ABHD6: variants seen among roughly 807,000 people sequenced by gnomAD.
ABHD6 encodes abhydrolase domain containing 6, acylglycerol lipase.
In ABHD6, 33 loss-of-function variants were observed where a neutral mutation model predicts 38.8. The ratio of observed to expected loss-of-function variants is 0.85; its 90% CI spans 0.64 to 1.14. The LOEUF (loss-of-function observed/expected upper bound fraction) is 1.14. Ranked by LOEUF, ABHD6 falls within the 50% of genes most tolerant of loss-of-function variation. ABHD6 has a pLI of 0.00. For missense variants in ABHD6, 380 were observed against 422.6 expected (o/e 0.90, Z 0.88); for synonymous variants, 147 against 161.6 (o/e 0.91, Z 0.69).
intron 1 of ABHD6, among the ~76,000 whole-genome samples, chr3:58,248,788 T>A (rs2097428134): frequency 6.6e-6 from 1 of 152,140 alleles, no homozygotes; most frequent in Non-Finnish European, 1.5e-5. Flanking sequence ...ATCTGTAGAG[T>A]TTGCTGATGA....
rs60071781 is a variant in ABHD6 at position 58,286,848 on chromosome 3, G to GTATATATATATATATATATATATATATA, written c.837+1396_837+1397insATATATATATATATATATATATATATAT. ...TGTGTGTGTGTGTGTGTGTGTGTGT[G>GTATATATATATATATATATATATATATA]TGTGTATATATATATATATATGTAT... On this transcript the variant is annotated intron_variant, in intron 9 of 9. Coordinates refer to ENST00000478253, the MANE Select transcript of ABHD6 (RefSeq NM_001320126.2). Among the ~76,000 whole-genome samples, 5 of 70,058 alleles carry GTATATATATATATATATATATATATATA rather than the reference G, an allele frequency of 7.1e-5. 1 individual carries two copies. The highest frequency in any genetic ancestry group is 6.3e-4 in the South Asian group (1 of 1,578). 46.0% of individuals were successfully genotyped at this position (70,058 alleles called of 152,430 possible).
chr3:58,274,148 T>C (rs1473776794), intron 6 of ABHD6, among the ~76,000 whole-genome samples: 1 of 152,192 alleles, frequency 6.6e-6, no homozygotes, highest in East Asian at 1.9e-4. Context: ...CCCTGTGTTT[T>C]ATCATTGACC....
intron 4 of ABHD6, among the ~76,000 whole-genome samples, chr3:58,268,972 G>C (rs1198325109): frequency 2.6e-5 from 4 of 152,172 alleles, no homozygotes; most frequent in Admixed American, 6.5e-5. Context: ...GTCAGCAGCT[G>C]CATGGCTGGA....
Position 58,287,674 on chromosome 3 carries a change from C to T in ABHD6, c.837+2221C>T, listed in dbSNP as rs1490653974. Among the ~76,000 whole-genome samples, 1 of 152,184 alleles carries T rather than the reference C, an allele frequency of 6.6e-6. No individual in the cohort carries two copies. Among genetic ancestry groups the T allele is most frequent in the East Asian group, 1.9e-4 (1 of 5,192 alleles). ...GAAGGCCTTCTGTTGTTCTAAAAAC[C>T]CCAAAGGTGATTTGGGGCTCTCAGG... On this transcript the variant is annotated intron_variant, in intron 9 of 9. Transcript: ENST00000478253. This position sits in a 1 kb window ranked among gnomAD's most constrained non-coding sequence, Gnocchi z 4.7.
At chr3:58,255,875 C>G (rs1006275353) in intron 2 of ABHD6, among the ~76,000 whole-genome samples, 3 of 151,186 alleles carry the variant, frequency 2.0e-5, no homozygotes, top group South Asian at 4.2e-4. Flanking sequence ...GAACTCCTGA[C>G]CTTAAGTGAT....
At chr3:58,255,864 C>T (rs1262822554) in intron 2 of ABHD6, among the ~76,000 whole-genome samples, 4 of 151,862 alleles carry the variant, frequency 2.6e-5, no homozygotes, top group African/African-American at 9.7e-5. Flanking sequence ...AGGCTAGTCT[C>T]GAACTCCTGA....
At position 58,267,068 on chromosome 3, in the gene ABHD6, G is replaced by A; in HGVS notation, c.120-121G>A. ...ACTCTAGAGACTGATGGAGGACAAG[G>A]GCTGGAGAAGTGTTTGTGTTATCAC... On this transcript the variant is annotated intron_variant, in intron 3 of 9. Transcript: ENST00000478253. This position sits in a 1 kb window ranked among gnomAD's most constrained non-coding sequence, Gnocchi z 4.3. 2.7e-6 allele frequency: 3 copies of A among 1,095,328 alleles called. No homozygotes were observed. The South Asian group carries it at 4.6e-5, about 17-fold the overall frequency. The allele number at this position is 1,095,328 out of a possible 1,614,324, so 67.9% of individuals were successfully genotyped here.
At chr3:58,289,968 C>T (rs200538145) in intron 9 of ABHD6, among the ~76,000 whole-genome samples, 26,971 of 134,622 alleles carry the variant, frequency 0.2, 2,844 homozygotes, top group East Asian at 0.67. Flanking sequence ...ACCTCCCGGA[C>T]GAGGCGGCTG....
intron 1 of ABHD6, among the ~76,000 whole-genome samples, chr3:58,244,203 A>G (rs1158774308): frequency 6.6e-6 from 1 of 152,216 alleles, no homozygotes; most frequent in African/African-American, 2.4e-5. Context: ...AAAGCCAGTG[A>G]TGTTAAGGAA....
intron 1 of ABHD6, among the ~76,000 whole-genome samples, chr3:58,239,024 G>T (rs1199101484): frequency 6.6e-6 from 1 of 151,958 alleles, no homozygotes; most frequent in Non-Finnish European, 1.5e-5. Flanking sequence ...CCACCGCTGT[G>T]CCCATTCCTG....
intron 6 of ABHD6, among the ~76,000 whole-genome samples, chr3:58,272,614 A>G (rs1418513700): frequency 2.0e-5 from 3 of 152,192 alleles, no homozygotes; most frequent in Non-Finnish European, 4.4e-5. Flanking sequence ...AAGTTTGAGA[A>G]TTGAAGGAAC....
At chr3:58,281,538 C>G (rs1292689769) in intron 7 of ABHD6, among the ~76,000 whole-genome samples, 1 of 152,248 alleles carries the variant, frequency 6.6e-6, no homozygotes, top group African/African-American at 2.4e-5. Flanking sequence ...ATCCCCCGAC[C>G]CCTTGCACTT....
rs1480514987 is a variant in ABHD6 at position 58,267,552 on chromosome 3, C to T, written c.276+207C>T. On this transcript the variant is annotated intron_variant, in intron 4 of 9. Coordinates refer to ENST00000478253, the MANE Select transcript of ABHD6 (RefSeq NM_001320126.2). The surrounding 1 kb of genome is among the most constrained non-coding windows in gnomAD (Gnocchi z 4.3). ...TGGTGGTGCATGCCTGTAGTCCTGG[C>T]TACTCAGGAGACTGAGGTGGGAAGA... Among the ~76,000 whole-genome samples the T allele has an allele frequency of 2.6e-5, 4 of 151,992 alleles. No homozygotes were observed. The highest frequency in any genetic ancestry group is 9.7e-5 in the African/African-American group (4 of 41,380).
rs2097438905 is a variant in ABHD6 at position 58,263,919 on chromosome 3, T to C, written c.120-3270T>C. Among the ~76,000 whole-genome samples the C allele has an allele frequency of 6.6e-6, 1 of 152,192 alleles. No homozygotes were observed. The highest frequency in any genetic ancestry group is 2.4e-5 in the African/African-American group (1 of 41,452). On this transcript the variant is annotated intron_variant, in intron 3 of 9. Transcript: ENST00000478253. This position sits in a 1 kb window ranked among gnomAD's most constrained non-coding sequence, Gnocchi z 4.9. The stretch of plus-strand genomic sequence containing the variant: ...TGGAATAATTAATTTTCTTCAATGC[T>C]TCTTTTGCTCTTCCCACCTCTCTCC...
Position 58,293,555 on chromosome 3 carries a change from T to G in ABHD6, c.838-34T>G. 1 of 1,608,234 alleles carries G rather than the reference T, an allele frequency of 6.2e-7. No homozygotes were observed. The highest frequency in any genetic ancestry group is 1.1e-5 in the South Asian group (1 of 90,638). On this transcript the variant is annotated intron_variant, in intron 9 of 9. Coordinates refer to ENST00000478253, the MANE Select transcript of ABHD6 (RefSeq NM_001320126.2). This position sits in a 1 kb window ranked among gnomAD's most constrained non-coding sequence, Gnocchi z 4.4. Reference sequence around the variant, plus strand: ...GTGCACACGTGGGTGTCTGAATCTTTGTGTATCATCCAGCTCCCTTTCTTG... The same window carrying G: ...GTGCACACGTGGGTGTCTGAATCTTGGTGTATCATCCAGCTCCCTTTCTTG...
intron 9 of ABHD6, among the ~76,000 whole-genome samples, chr3:58,290,161 C>T (rs1167660714): frequency 2.0e-5 from 2 of 98,212 alleles, no homozygotes; most frequent in South Asian, 3.8e-4. Context: ...GCTGGCCGGG[C>T]GGGGGGCTGA....
chr3:58,287,290 A>G lies in ABHD6; in HGVS notation c.837+1837A>G, dbSNP rs928426285. 1.6e-4 allele frequency among the ~76,000 whole-genome samples: 24 copies of G among 151,980 alleles called. No individual in the cohort carries two copies. The highest frequency in any genetic ancestry group is 1.5e-3 in the Admixed American group (23 of 15,268). ...CAGGGCGGGATCCTATCTCAAAAAA[A>G]TAAAAATAAAAAAGAATACAGAGTA... On this transcript the variant is annotated intron_variant, in intron 9 of 9. Coordinates refer to ENST00000478253, the MANE Select transcript of ABHD6 (RefSeq NM_001320126.2). This position sits in a 1 kb window ranked among gnomAD's most constrained non-coding sequence, Gnocchi z 4.7.
chr3:58,285,295 C>A lies in ABHD6; in HGVS notation c.737-58C>A. The A allele has an allele frequency of 6.4e-7, 1 of 1,562,544 alleles. No homozygotes were observed. Among genetic ancestry groups the A allele is most frequent in the Non-Finnish European group, 8.8e-7 (1 of 1,133,436 alleles). On this transcript the variant is annotated intron_variant, in intron 8 of 9. Transcript: ENST00000478253. This position sits in a 1 kb window ranked among gnomAD's most constrained non-coding sequence, Gnocchi z 4.9. The stretch of plus-strand genomic sequence containing the variant: ...ATCTGGTGACTATCCCTTGATTCTG[C>A]GGTGGTGCCACAGGCACAGTCCAGC...
chr3:58,289,133 C>T (rs2097459598), intron 9 of ABHD6, among the ~76,000 whole-genome samples: 1 of 152,196 alleles, frequency 6.6e-6, no homozygotes, highest in African/African-American at 2.4e-5. Flanking sequence ...TAGCTCACTG[C>T]AGCCTCAACC....
Sources: allele counts gnomAD v4.1 joint callset (sites outside exome capture counted in the v4.1 genomes callset), GRCh38; gene constraint gnomAD v4.1.1; non-coding constraint Gnocchi (gnomAD v3.1); transcripts MANE v1.5; gene names NCBI Gene and HGNC (gene_info 2026-07-23, HGNC 2026-07-21).